The following GLDN variants were observed in gnomAD, a reference collection of about 807,000 sequenced individuals.
GLDN encodes the protein gliomedin.
In GLDN, 47 loss-of-function variants were observed where a neutral mutation model predicts 56.5. That is an observed-to-expected ratio of 0.83 (90% CI 0.66 to 1.06). GLDN has a LOEUF of 1.06. GLDN is among the 50% of genes least tolerant of loss of function. The probability of loss-of-function intolerance (pLI) is 0.00; values close to 1 mark genes in which losing one functional copy is unlikely to be tolerated. For synonymous variants in GLDN, 332 were observed against 278.8 expected, an observed-to-expected ratio of 1.19 and a Z score of -1.90; for missense variants, 782 against 714.3, an observed-to-expected ratio of 1.09 and a Z score of -1.08.
At chr15:51,396,912 T>C (rs2038141481) in intron 5 of GLDN, among the ~76,000 whole-genome samples, 1 of 152,246 alleles carries the variant, frequency 6.6e-6, no homozygotes, top group Non-Finnish European at 1.5e-5. Context: ...CAGGGTAATA[T>C]ACATAAATGT....
chr15:51,395,105 C>A, intron 5 of GLDN, 124 bp downstream of exon 5: 1 of 1,013,934 alleles, frequency 9.9e-7, no homozygotes, highest in Non-Finnish European at 1.4e-6. Flanking sequence ...ATCTGTTTTG[C>A]AGCATGTTTT....
chr15:51,389,212 A>T (rs1342098848), intron 4 of GLDN, among the ~76,000 whole-genome samples: 3 of 152,180 alleles, frequency 2.0e-5, no homozygotes, highest in Non-Finnish European at 4.4e-5. Flanking sequence ...ACTCCACTAT[A>T]GTGTTGGTCA....
chr15:51,377,231 G>T, intron 1 of GLDN: 4 of 561,696 alleles, frequency 7.1e-6, no homozygotes, highest in Non-Finnish European at 1.3e-5. Context: ...AATGAGGTTT[G>T]CAGCTCCATT....
chr15:51,352,407 G>A (rs2037093082), intron 1 of GLDN, among the ~76,000 whole-genome samples: 1 of 152,064 alleles, frequency 6.6e-6, no homozygotes, highest in Non-Finnish European at 1.5e-5. Context: ...GAATTTGGGG[G>A]TACACAAATA....
intron 8 of GLDN, among the ~76,000 whole-genome samples, chr15:51,401,120 AGT>A (rs950712400): frequency 3.9e-5 from 6 of 152,372 alleles, no homozygotes; most frequent in African/African-American, 1.4e-4. Flanking sequence ...CATCAAGGCC[AGT>A]TATTCAATTG....
downstream of GLDN, among the ~76,000 whole-genome samples, chr15:51,412,019 T>C (rs562626405): frequency 3.3e-5 from 5 of 152,352 alleles, no homozygotes; most frequent in South Asian, 1.0e-3. Flanking sequence ...AGAAATACTA[T>C]GGTGGTGGCA....
intron 1 of GLDN, among the ~76,000 whole-genome samples, chr15:51,366,477 C>T (rs540500418): frequency 9.2e-5 from 14 of 152,340 alleles, no homozygotes; most frequent in African/African-American, 3.4e-4. Flanking sequence ...CCAATGACAA[C>T]TTACAATTAG....
intron 1 of GLDN, chr15:51,367,282 T>C (rs959058097): frequency 3.3e-5 from 5 of 152,204 alleles, no homozygotes; most frequent in African/African-American, 1.2e-4. Context: ...ACATGGAGTT[T>C]TTCTCCAAAG....
chr15:51,397,174 C>A (rs2141125701), intron 5 of GLDN, among the ~76,000 whole-genome samples: 1 of 152,274 alleles, frequency 6.6e-6, no homozygotes, highest in Admixed American at 6.5e-5. Flanking sequence ...TCCTGGTGGA[C>A]AGAGAGCTGC....
intron 1 of GLDN, among the ~76,000 whole-genome samples, chr15:51,350,139 A>G (rs2141049547): frequency 6.6e-6 from 1 of 152,276 alleles, no homozygotes; most frequent in South Asian, 2.1e-4. Flanking sequence ...GATGGAATGC[A>G]AGACAGAGGC....
downstream of GLDN, among the ~76,000 whole-genome samples, chr15:51,412,372 C>T (rs923487547): frequency 1.2e-4 from 18 of 152,170 alleles, no homozygotes; most frequent in African/African-American, 4.3e-4. Flanking sequence ...TAGGAGGAGA[C>T]TCAGCAAGTC....
At chr15:51,387,821 C>G (rs1200451972) in intron 4 of GLDN, among the ~76,000 whole-genome samples, 1 of 152,136 alleles carries the variant, frequency 6.6e-6, no homozygotes, top group Non-Finnish European at 1.5e-5. Context: ...ACCTTTGGAA[C>G]CATAATACAT....
At chr15:51,385,556 A>G (rs1033517310) in intron 4 of GLDN, 1 of 152,188 alleles carries the variant, frequency 6.6e-6, no homozygotes, top group African/African-American at 2.4e-5. Context: ...TAAATAGAAT[A>G]TATGGTCTGT....
chr15:51,361,339 C>T (rs768984658), intron 1 of GLDN, among the ~76,000 whole-genome samples: 4 of 152,180 alleles, frequency 2.6e-5, no homozygotes, highest in Non-Finnish European at 5.9e-5. Flanking sequence ...TATGCCTCTA[C>T]TGAAGTATTT....
chr15:51,405,593 T>A lies in GLDN; in HGVS notation c.*839T>A, dbSNP rs533806485. 7 of 152,206 alleles carry A rather than the reference T, an allele frequency of 4.6e-5. No individual in the cohort carries two copies. Among genetic ancestry groups the A allele is most frequent in the African/African-American group, 1.7e-4 (7 of 41,540 alleles). 9.4% of individuals were successfully genotyped at this position (152,206 alleles called of 1,614,324 possible). A position where few individuals can be genotyped will look rare whatever the true frequency, so the allele number is the denominator to read the frequency against. ...CATGATCTTCCAGGTTCCCCCCAGT[T>A]TCTGATCATGTTGATTTGTAGCTGT... On this transcript the variant is annotated 3_prime_UTR_variant, in exon 10 of 10. Transcript: ENST00000335449.
rs763107524 is a variant in GLDN, at chr15:51,360,921, C to T, written c.364-16528C>T. Reference sequence around the variant, plus strand: ...TTTTTGCTCTGTACAAGGGATGCCACAGGGCAGCATTTGGAGATAATGGTC... The same window carrying T: ...TTTTTGCTCTGTACAAGGGATGCCATAGGGCAGCATTTGGAGATAATGGTC... On this transcript the variant is annotated intron_variant, in intron 1 of 9. Transcript: ENST00000335449. 4.0e-4 allele frequency among the ~76,000 whole-genome samples: 61 copies of T among 152,216 alleles called. 1 individual carries two copies. The highest frequency in any genetic ancestry group is 3.5e-4 in the Non-Finnish European group (24 of 68,042).
chr15:51,401,762 C>T lies in GLDN; in HGVS notation c.1178+19C>T. ...TAGTGAGGTAAGTCGCACCACAGCA[C>T]CTTCTCACGCCTCTCAGGCAGCACC... On this transcript the variant is annotated intron_variant, in intron 9 of 9. Transcript: ENST00000335449. The T allele has an allele frequency of 6.2e-7, 1 of 1,607,188 alleles. No individual in the cohort carries two copies. Among genetic ancestry groups the T allele is most frequent in the Non-Finnish European group, 8.5e-7 (1 of 1,175,990 alleles).
At chr15:51,357,664 T>C (rs1277228613) in intron 1 of GLDN, among the ~76,000 whole-genome samples, 2 of 152,154 alleles carry the variant, frequency 1.3e-5, no homozygotes, top group African/African-American at 2.4e-5. Context: ...CGGAAAACTG[T>C]CATCCCGAAC....
downstream of GLDN, chr15:51,408,123 C>A (rs1205174168): frequency 6.6e-6 from 1 of 152,192 alleles, no homozygotes; most frequent in Non-Finnish European, 1.5e-5. Context: ...TGTGGAAACT[C>A]AATTTGCTAG....
Sources: allele counts gnomAD v4.1 joint callset (sites outside exome capture counted in the v4.1 genomes callset), GRCh38; gene constraint gnomAD v4.1.1; transcripts MANE v1.5; gene names NCBI Gene and HGNC (gene_info 2026-07-23, HGNC 2026-07-21).